GYPB: variants seen among roughly 807,000 people sequenced by gnomAD.
GYPB encodes glycophorin-B.
In GYPB, 13 loss-of-function variants were observed where a neutral mutation model predicts 15.3. That is an observed-to-expected ratio of 0.85 (90% CI 0.55 to 1.35). The LOEUF is 1.35. Ranked by LOEUF, GYPB falls within the 40% of genes most tolerant of loss-of-function variation. The pLI is 0.00. For synonymous variants in GYPB, 38 were observed against 36.9 expected (o/e 1.03, Z -0.11); for missense variants, 131 against 108.3 (o/e 1.21, Z -0.93).
intron 1 of GYPB, among the ~76,000 whole-genome samples, chr4:144,013,567 C>T (rs1728328393): frequency 6.6e-6 from 1 of 151,204 alleles, no homozygotes; most frequent in African/African-American, 2.5e-5. Flanking sequence ...GGCACATTTA[C>T]ACCATGGAAT....
intron 1 of GYPB, among the ~76,000 whole-genome samples, chr4:144,009,848 C>T (rs915833022): frequency 4.6e-5 from 7 of 150,672 alleles, no homozygotes; most frequent in South Asian, 4.2e-4. Context: ...CTCCTGACCT[C>T]GTGATCCGCC....
chr4:144,012,136 G>T (rs1243050646), intron 1 of GYPB, among the ~76,000 whole-genome samples: 4 of 151,774 alleles, frequency 2.6e-5, no homozygotes, highest in African/African-American at 4.9e-5. Context: ...GCTGCACCAC[G>T]TGAGGAAGAC....
chr4:144,010,582 G>C (rs1728163105), intron 1 of GYPB, among the ~76,000 whole-genome samples: 1 of 151,428 alleles, frequency 6.6e-6, no homozygotes, highest in South Asian at 2.1e-4. Context: ...GTGTGAGTCT[G>C]TGTGCTGTGA....
At chr4:143,998,015 T>C (rs1332734690) in intron 3 of GYPB, among the ~76,000 whole-genome samples, 4 of 151,376 alleles carry the variant, frequency 2.6e-5, no homozygotes, top group Non-Finnish European at 5.9e-5. Flanking sequence ...GAGAAAACAA[T>C]GTCTTAACAT....
Position 144,004,519 on chromosome 4 carries a change from G to A in GYPB, c.38-3236C>T, listed in dbSNP as rs573740627. On this transcript the variant is annotated intron_variant, in intron 1 of 4. Transcript: ENST00000502664. ...TATTAATTAACTTTTAAATAATTTG[G>A]TAGTTATTCCAGAATAGAATCACAT... Among the ~76,000 whole-genome samples the A allele has an allele frequency of 7.3e-4, 4 of 5,504 alleles. No homozygotes were observed. In the Non-Finnish European group the frequency reaches 8.5e-3, roughly 12 times the overall value. 3.6% of individuals were successfully genotyped at this position (5,504 alleles called of 152,430 possible). A position where few individuals can be genotyped will look rare whatever the true frequency, so the allele number is the denominator to read the frequency against.
chr4:144,010,819 A>T (rs1560713128), intron 1 of GYPB, among the ~76,000 whole-genome samples: 1 of 151,422 alleles, frequency 6.6e-6, no homozygotes, highest in Non-Finnish European at 1.5e-5. Flanking sequence ...TGCACCACTA[A>T]AATGGGAATT....
chr4:144,009,984 G>A (rs373448340), intron 1 of GYPB, among the ~76,000 whole-genome samples: 10 of 151,158 alleles, frequency 6.6e-5, no homozygotes, highest in African/African-American at 2.5e-4. Flanking sequence ...AAACTAGGGG[G>A]CCAGCCGTTC....
chr4:144,002,623 G>A (rs566151863), intron 1 of GYPB: 28 of 1,287,044 alleles, frequency 2.2e-5, no homozygotes, highest in East Asian at 1.1e-4. Context: ...CCCAAGTGCA[G>A]TGGAGTGGAG....
intron 1 of GYPB, among the ~76,000 whole-genome samples, chr4:144,002,273 T>G (rs1727668812): frequency 6.6e-6 from 1 of 151,522 alleles, no homozygotes; most frequent in Non-Finnish European, 1.5e-5. Flanking sequence ...CATTTTGATA[T>G]ATAGCCATCT....
chr4:144,015,445 T>C (rs925511720), intron 1 of GYPB, among the ~76,000 whole-genome samples: 1 of 151,232 alleles, frequency 6.6e-6, no homozygotes, highest in African/African-American at 2.5e-5. Flanking sequence ...ATGATTGGGG[T>C]TTTTTTGAGC....
intron 1 of GYPB, among the ~76,000 whole-genome samples, chr4:144,011,417 A>G (rs1418368545): frequency 1.3e-5 from 2 of 151,306 alleles, no homozygotes; most frequent in Admixed American, 6.6e-5. Context: ...ACCAAACAGG[A>G]ATAACCATAT....
At chr4:143,995,214 C>T (rs1727266685), downstream of GYPB, among the ~76,000 whole-genome samples, 1 of 151,270 alleles carries the variant, frequency 6.6e-6, no homozygotes, top group Non-Finnish European at 1.5e-5. Flanking sequence ...ACTGTAATGT[C>T]TGAGGTTTCT....
At chr4:143,999,289 G>A in intron 3 of GYPB, 122 bp downstream of exon 3, 2 of 617,458 alleles carry the variant, frequency 3.2e-6, no homozygotes, top group African/African-American at 4.0e-5. Context: ...AATTTCGTGT[G>A]AATAAAGTTA....
At chr4:143,998,018 CTT>C (rs1374235123) in intron 3 of GYPB, among the ~76,000 whole-genome samples, 1 of 151,306 alleles carries the variant, frequency 6.6e-6, no homozygotes, top group Non-Finnish European at 1.5e-5. Flanking sequence ...AAAACAATGT[CTT>C]AACATATAAA....
chr4:144,003,602 A>C (rs1456333170), intron 1 of GYPB, among the ~76,000 whole-genome samples: 3 of 151,570 alleles, frequency 2.0e-5, no homozygotes, highest in Non-Finnish European at 4.4e-5. Flanking sequence ...TTAAATTTTT[A>C]AGCAAAGTAT....
chr4:143,997,479 T>C, intron 4 of GYPB, 61 bp downstream of exon 4: 1 of 916,832 alleles, frequency 1.1e-6, no homozygotes, highest in Non-Finnish European at 1.8e-6. Context: ...CTCAGAGGAA[T>C]AAACCCTCCT....
rs376038061 is a variant in GYPB at position 143,997,579 on chromosome 4, C to A, written c.231G>T (p.Thr77=). 7 of 1,600,500 alleles carry A rather than the reference C, an allele frequency of 4.4e-6. No homozygotes were observed. Among genetic ancestry groups the A allele is most frequent in the Non-Finnish European group, 5.1e-6 (6 of 1,169,918 alleles). ...ILCVMAGIIG[T]ILLISYSIRR... is the part of the protein sequence containing the mutation. ...GAATACTGTAAGAAATTAAGAGGATCGTTCCAATAATACCAGCCATCACAC... is the reference window on the plus strand; with the variant it reads ...GAATACTGTAAGAAATTAAGAGGATAGTTCCAATAATACCAGCCATCACAC... Residue 77 remains threonine, a synonymous_variant, in exon 4 of 5, where the codon ACG becomes ACT. Coordinates refer to ENST00000502664, the MANE Select transcript of GYPB (RefSeq NM_002100.6).
At chr4:144,009,146 C>T (rs1376755776) in intron 1 of GYPB, among the ~76,000 whole-genome samples, 1 of 151,240 alleles carries the variant, frequency 6.6e-6, no homozygotes, top group Admixed American at 6.6e-5. Flanking sequence ...AATCACTTTC[C>T]AAGGATAAGC....
At chr4:143,999,010 G>T (rs554843019) in intron 3 of GYPB, among the ~76,000 whole-genome samples, 1 of 150,940 alleles carries the variant, frequency 6.6e-6, no homozygotes, top group Admixed American at 6.6e-5. Context: ...CAATGGATCC[G>T]ATCCTCCCAC....
Sources: gnomAD v4.1 joint callset for allele counts (sites outside exome capture counted in the v4.1 genomes callset) on GRCh38, gnomAD v4.1.1 for gene constraint, MANE v1.5 for transcripts, NCBI Gene and HGNC (gene_info 2026-07-23, HGNC 2026-07-21) for gene names.